The following ACYP2 variants were observed in gnomAD, a reference collection of about 807,000 sequenced individuals.
The protein encoded by ACYP2 is acylphosphatase 2.
ACYP2 carries 12 observed loss-of-function variants against 11.2 expected under a neutral mutation model. That is an observed-to-expected ratio of 1.08 (90% confidence interval 0.69 to 1.74). The LOEUF (loss-of-function observed/expected upper bound fraction) is 1.74. Among genes scored for constraint, ACYP2 ranks in the 40% most tolerant of loss-of-function variants. ACYP2 has a pLI of 0.00. For missense variants in ACYP2, 134 were observed against 101.9 expected, an observed-to-expected ratio of 1.31 and a Z score of -1.35; for synonymous variants, 43 against 32.2, an observed-to-expected ratio of 1.33 and a Z score of -1.13.
In ACYP2 at chr2:54,271,381, C is replaced by A. The variant is rs192138936; in HGVS notation, c.405-33307C>A. On this transcript the variant is annotated intron_variant, in intron 6 of 6. Transcript: ENST00000607452. ...CATAGATAACATCACTATTGTAGAA[C>A]CTACGATTGGGTTTTTGAGATGTTT... Among the ~76,000 whole-genome samples the A allele has an allele frequency of 1.2e-4, 19 of 152,250 alleles. No individual in the cohort carries two copies. The East Asian group carries it at 3.7e-3, about 29-fold the overall frequency.
intron 6 of ACYP2, chr2:54,255,231 C>T (rs367850701): frequency 1.2e-6 from 2 of 1,614,182 alleles, no homozygotes; most frequent in Non-Finnish European, 1.7e-6. Context: ...TTACAATCAG[C>T]TTGTTTCTGA....
chr2:54,021,557 A>G (rs1674009136), intron 2 of ACYP2, among the ~76,000 whole-genome samples: 1 of 152,216 alleles, frequency 6.6e-6, no homozygotes. Context: ...ATGTGCATGT[A>G]TTTAAAATAA....
chr2:54,037,638 C>T (rs1325801148), intron 2 of ACYP2, among the ~76,000 whole-genome samples: 1 of 151,300 alleles, frequency 6.6e-6, no homozygotes, highest in Non-Finnish European at 1.5e-5. Context: ...GAACTCTTGG[C>T]CTCAAGTGAT....
intron 6 of ACYP2, among the ~76,000 whole-genome samples, chr2:54,263,903 CCAAA>C (rs58152610): frequency 0.48 from 71,957 of 151,482 alleles, 17,975 homozygotes; most frequent in African/African-American, 0.64. Flanking sequence ...GTCATCAAAT[CCAAA>C]CAAACAGTGA....
chr2:54,004,785 T>C (rs1230310589), intron 2 of ACYP2, among the ~76,000 whole-genome samples: 1 of 149,700 alleles, frequency 6.7e-6, no homozygotes, highest in Non-Finnish European at 1.5e-5. Flanking sequence ...CTCAGCCGTG[T>C]GTGGGAGGCT....
chr2:54,185,896 T>C (rs1683966769), intron 6 of ACYP2, among the ~76,000 whole-genome samples: 1 of 152,010 alleles, frequency 6.6e-6, no homozygotes. Flanking sequence ...AAACATTATA[T>C]GCCAAGGAAT....
intron 2 of ACYP2, among the ~76,000 whole-genome samples, chr2:54,034,463 A>G (rs1209870477): frequency 1.3e-5 from 2 of 152,204 alleles, no homozygotes; most frequent in Non-Finnish European, 2.9e-5. Context: ...AGTTGCGTAC[A>G]GTATTCAGTA....
intron 4 of ACYP2, chr2:54,066,071 A>G (rs1399569313): frequency 2.0e-5 from 3 of 152,052 alleles, no homozygotes; most frequent in African/African-American, 4.8e-5. Flanking sequence ...TCCATACCCC[A>G]TGTGTTTATT....
chr2:53,985,160 C>G (rs1162768417), intron 2 of ACYP2, among the ~76,000 whole-genome samples: 2 of 151,514 alleles, frequency 1.3e-5, no homozygotes, highest in Admixed American at 6.6e-5. Flanking sequence ...AGCTCTGCCT[C>G]CCTGGTTCCC....
intron 4 of ACYP2, among the ~76,000 whole-genome samples, chr2:54,101,861 C>G (rs1678914338): frequency 6.6e-6 from 1 of 152,092 alleles, no homozygotes; most frequent in Non-Finnish European, 1.5e-5. Flanking sequence ...GACATATTTT[C>G]ACTTCTTATT....
chr2:54,182,690 G>C (rs1683796688), intron 6 of ACYP2, among the ~76,000 whole-genome samples: 2 of 152,186 alleles, frequency 1.3e-5, no homozygotes, highest in Non-Finnish European at 2.9e-5. Flanking sequence ...TGTCTCTTGG[G>C]CCTGGAGGGG....
chr2:54,041,053 C>G (rs764461774), intron 2 of ACYP2, among the ~76,000 whole-genome samples: 78 of 151,752 alleles, frequency 5.1e-4, no homozygotes, highest in Admixed American at 2.5e-3. Context: ...AAAGCGGTGG[C>G]CTTTTCTTTT....
At chr2:54,012,464 C>T (rs2104537664) in intron 2 of ACYP2, among the ~76,000 whole-genome samples, 1 of 152,298 alleles carries the variant, frequency 6.6e-6, no homozygotes, top group East Asian at 1.9e-4. Flanking sequence ...TGCAGTGAGC[C>T]ATGACTGTGC....
intron 5 of ACYP2, 148 bp downstream of exon 2, chr2:54,135,617 A>C (rs996879648): frequency 5.1e-6 from 3 of 593,846 alleles, no homozygotes; most frequent in Non-Finnish European, 5.7e-6. Flanking sequence ...ATTTCTTTGA[A>C]ATTACTGATT....
At chr2:54,293,324 C>T (rs933702021) in intron 6 of ACYP2, among the ~76,000 whole-genome samples, 9 of 152,144 alleles carry the variant, frequency 5.9e-5, no homozygotes, top group South Asian at 2.1e-4. Context: ...AGCTGCGGTG[C>T]GGCAAGGAAG....
intron 4 of ACYP2, among the ~76,000 whole-genome samples, chr2:54,132,876 C>T (rs961767840): frequency 1.3e-5 from 2 of 151,986 alleles, no homozygotes; most frequent in Non-Finnish European, 2.9e-5. Context: ...TCCCAAGTAG[C>T]TAGGATTACA....
intron 6 of ACYP2, among the ~76,000 whole-genome samples, chr2:54,299,980 T>C (rs1177384901): frequency 1.3e-5 from 2 of 152,236 alleles, no homozygotes; most frequent in East Asian, 3.8e-4. Flanking sequence ...TTCACTTTAT[T>C]CAATCCCTCA....
rs150559977 is a variant in ACYP2 at position 53,980,062 on chromosome 2, G to A, written c.62+6252G>A. On this transcript the variant is annotated intron_variant, in intron 2 of 6. Coordinates refer to ENST00000607452, the MANE Select transcript of ACYP2 (RefSeq NM_001320586.2). ...AAAAGTTAAAATTTAAAAGTTCATAGCTGGGCACCATGGCTCACATCTCTA... is the reference window on the plus strand; with the variant it reads ...AAAAGTTAAAATTTAAAAGTTCATAACTGGGCACCATGGCTCACATCTCTA... Among the ~76,000 whole-genome samples the A allele has an allele frequency of 1.9e-3, 287 of 152,262 alleles. 1 individual carries two copies. The highest frequency in any genetic ancestry group is 6.4e-3 in the African/African-American group (268 of 41,556).
At chr2:54,041,561 C>A (rs1675229697) in intron 2 of ACYP2, among the ~76,000 whole-genome samples, 1 of 152,136 alleles carries the variant, frequency 6.6e-6, no homozygotes, top group South Asian at 2.1e-4. Context: ...AAAGTGAGAT[C>A]TCTTAGTATG....
Sources: allele counts gnomAD v4.1 joint callset (sites outside exome capture counted in the v4.1 genomes callset), GRCh38; gene constraint gnomAD v4.1.1; transcripts MANE v1.5; gene names NCBI Gene and HGNC (gene_info 2026-07-23, HGNC 2026-07-21).